ABCA10: variants seen among roughly 807,000 people sequenced by gnomAD.
ABCA10 encodes ATP-binding cassette sub-family A member 10.
In ABCA10, 169 loss-of-function variants were observed where a neutral mutation model predicts 187.5. The ratio of observed to expected loss-of-function variants is 0.90; its 90% CI spans 0.80 to 1.02. ABCA10 has a LOEUF of 1.02. Ranked by LOEUF, ABCA10 falls within the 50% of genes least tolerant of loss-of-function variation. The pLI, the probability that ABCA10 is intolerant of heterozygous loss-of-function variation, is 0.00. For synonymous variants in ABCA10, 574 were observed against 601.8 expected (o/e 0.95, Z 0.68); for missense variants, 1,727 against 1,812.4 (o/e 0.95, Z 0.86).
chr17:69,159,376 A>AT (rs557056903), intron 27 of ABCA10, among the ~76,000 whole-genome samples: 1 of 151,964 alleles, frequency 6.6e-6, no homozygotes, highest in Non-Finnish European at 1.5e-5. Flanking sequence ...AGAACAGAAA[A>AT]TTTTTTTTAA....
intron 20 of ABCA10, among the ~76,000 whole-genome samples, chr17:69,184,916 T>TACACACACAC (rs142309537): frequency 1.2e-4 from 17 of 141,614 alleles, no homozygotes; most frequent in Middle Eastern, 3.6e-3. Flanking sequence ...ACTTTTTAAA[T>TACACACACAC]ACACACACAC....
chr17:69,155,109 G>A lies in ABCA10; in HGVS notation c.3604C>T (p.His1202Tyr), dbSNP rs1052942425. Residue 1202 changes from histidine to tyrosine, a missense_variant, in exon 30 of 39, where the codon CAC becomes TAC. By Grantham distance (83) the His-to-Tyr change is moderately conservative. Coordinates refer to ENST00000690296, the MANE Select transcript of ABCA10 (RefSeq NM_001377321.1). ...EEPVITASCL[H>Y]KEYYETKKSC... is the part of the protein sequence containing the mutation. ...TTCTTTGTCTCATAATATTCCTTGTGTAAACAGCTTGCAGTTATGACTGGT... is the reference window on the plus strand; with the variant it reads ...TTCTTTGTCTCATAATATTCCTTGTATAAACAGCTTGCAGTTATGACTGGT... 2.8e-5 allele frequency: 45 copies of A among 1,611,670 alleles called. No individual in the cohort carries two copies. The highest frequency in any genetic ancestry group is 3.6e-5 in the Non-Finnish European group (42 of 1,178,798).
chr17:69,153,189 A>T, intron 34 of ABCA10, 116 bp downstream of exon 34: 1 of 1,230,902 alleles, frequency 8.1e-7, no homozygotes, highest in Admixed American at 2.6e-5. Context: ...ATAATAGAAG[A>T]TGTGCACATC....
intron 9 of ABCA10, among the ~76,000 whole-genome samples, chr17:69,213,624 G>A (rs550928382): frequency 1.8e-4 from 28 of 152,324 alleles, no homozygotes; most frequent in African/African-American, 6.5e-4. Context: ...GAGCAAGGCT[G>A]AGATCTTGCC....
Position 69,164,133 on chromosome 17 carries a change from C to T in ABCA10, c.3304G>A (p.Asp1102Asn), listed in dbSNP as rs1568052181. 2.5e-6 allele frequency: 4 copies of T among 1,584,296 alleles called. No homozygotes were observed. Among genetic ancestry groups the T allele is most frequent in the African/African-American group, 1.4e-5 (1 of 72,866 alleles). The change falls in exon 27 of 39, where the codon GAC (aspartate) becomes AAC (asparagine). Residue 1102 changes from aspartate (D) to asparagine (N), a missense_variant. Transcript: ENST00000690296. ...TCATTTATTCTATTGTCCAGACTGT[C>T]CAAGTTTCTCATAAAGTCGAGCTGA... The part of the protein sequence containing the change: ...LIQLDFMRNL[D>N]SLDNRINEVN...
At chr17:69,203,672 A>G (rs2074566183) in intron 9 of ABCA10, among the ~76,000 whole-genome samples, 1 of 152,174 alleles carries the variant, frequency 6.6e-6, no homozygotes, top group African/African-American at 2.4e-5. Context: ...TAAAAGGCAA[A>G]TCTCACCAGT....
intron 34 of ABCA10, among the ~76,000 whole-genome samples, chr17:69,153,078 A>C (rs1248250155): frequency 6.6e-6 from 1 of 152,134 alleles, no homozygotes; most frequent in Non-Finnish European, 1.5e-5. Context: ...AAGAAAGAGA[A>C]ATCCAAACAA....
In ABCA10 at chr17:69,186,913, A is replaced by T. The variant is rs1372298888; in HGVS notation, c.2330+768T>A. ...TGTGCCTTTTGTGTTCACTAATATA[A>T]CCAAAGCTCCTAGAACAATGCCTAG... On this transcript the variant is annotated intron_variant, in intron 19 of 38. Coordinates refer to ENST00000690296, the MANE Select transcript of ABCA10 (RefSeq NM_001377321.1). Among the ~76,000 whole-genome samples the T allele has an allele frequency of 9.2e-5, 14 of 152,140 alleles. No individual in the cohort carries two copies. In the East Asian group the frequency reaches 2.5e-3, roughly 27 times the overall value.
At chr17:69,180,976 T>C (rs903958692) in intron 22 of ABCA10, among the ~76,000 whole-genome samples, 1 of 151,954 alleles carries the variant, frequency 6.6e-6, no homozygotes, top group African/African-American at 2.4e-5. Context: ...TGATCAAAAA[T>C]TGCACTTCAC....
At chr17:69,154,035 T>A (rs2886232) in intron 31 of ABCA10, 26 bp from the exon 32 acceptor site, 1 of 1,603,294 alleles carries the variant, frequency 6.2e-7, no homozygotes, top group East Asian at 2.2e-5. Flanking sequence ...AATGTCAGAT[T>A]CACCTTTGGT....
chr17:69,198,289 G>T (rs186888523), intron 10 of ABCA10, among the ~76,000 whole-genome samples: 142 of 152,170 alleles, frequency 9.3e-4, no homozygotes, highest in African/African-American at 3.3e-3. Context: ...ATTGTCCCTT[G>T]TCTATCAGCA....
intron 25 of ABCA10, among the ~76,000 whole-genome samples, chr17:69,170,241 T>C (rs2074287177): frequency 6.7e-6 from 1 of 149,214 alleles, no homozygotes; most frequent in Non-Finnish European, 1.5e-5. Flanking sequence ...TGAGCCAAGA[T>C]CGCCCCACTG....
chr17:69,211,372 A>G (rs749892519), intron 9 of ABCA10, among the ~76,000 whole-genome samples: 6 of 134,726 alleles, frequency 4.5e-5, no homozygotes, highest in Non-Finnish European at 9.4e-5. Context: ...CACACACACC[A>G]CATTTTCTTT....
chr17:69,155,272 A>C (rs2144755360), intron 29 of ABCA10, 136 bp from the exon 30 acceptor site: 2 of 614,024 alleles, frequency 3.3e-6, no homozygotes, highest in Middle Eastern at 4.4e-4. Flanking sequence ...CTCTTTTTTC[A>C]AATAAAATAC....
intron 6 of ABCA10, among the ~76,000 whole-genome samples, chr17:69,217,865 A>G (rs1162297248): frequency 6.6e-6 from 1 of 152,160 alleles, no homozygotes; most frequent in Non-Finnish European, 1.5e-5. Flanking sequence ...TTAAAAATCT[A>G]TTTTCCTTGT....
At chr17:69,180,667 T>C (rs2144787919) in intron 22 of ABCA10, among the ~76,000 whole-genome samples, 1 of 152,312 alleles carries the variant, frequency 6.6e-6, no homozygotes, top group South Asian at 2.1e-4. Context: ...TTATTTTTGC[T>C]CTGAACTGGT....
At position 69,199,248 on chromosome 17, in the gene ABCA10, C is replaced by T. The variant is rs193065503; in HGVS notation, c.1176-2126G>A. ...ATCCTTCTTTATTTCTTTTAATTCT[C>T]TGTGTTCAGCTCTACTACTTATCAG... is the stretch of plus-strand genomic sequence containing the variant. On this transcript the variant is annotated intron_variant, in intron 10 of 38. Transcript: ENST00000690296. Among the ~76,000 whole-genome samples the T allele has an allele frequency of 4.1e-3, 459 of 111,878 alleles. 3 individuals are homozygous for T. Among genetic ancestry groups the T allele is most frequent in the African/African-American group, 0.017 (447 of 26,790 alleles). 73.4% of individuals were successfully genotyped at this position (111,878 alleles called of 152,430 possible). A position where few individuals can be genotyped will look rare whatever the true frequency, so the allele number is the denominator to read the frequency against.
chr17:69,214,688 C>T lies in ABCA10; in HGVS notation c.1006+16G>A. The T allele has an allele frequency of 1.4e-6, 2 of 1,448,768 alleles. No individual in the cohort carries two copies. The highest frequency in any genetic ancestry group is 1.5e-5 in the South Asian group (1 of 67,454). 89.7% of individuals were successfully genotyped at this position (1,448,768 alleles called of 1,614,324 possible). ...GAATTGCTTTAAATTTAACTTTAACCACACTATTAACTTACCAGGTAAAAC... is the reference window on the plus strand; with the variant it reads ...GAATTGCTTTAAATTTAACTTTAACTACACTATTAACTTACCAGGTAAAAC... On this transcript the variant is annotated intron_variant, in intron 9 of 38. Coordinates refer to ENST00000690296, the MANE Select transcript of ABCA10 (RefSeq NM_001377321.1).
Position 69,178,333 on chromosome 17 carries a change from G to A in ABCA10, c.2770-2820C>T, listed in dbSNP as rs142870235. On this transcript the variant is annotated intron_variant, in intron 22 of 38. Coordinates refer to ENST00000690296, the MANE Select transcript of ABCA10 (RefSeq NM_001377321.1). Reference sequence around the variant, plus strand: ...AATGTACAGCCAAATCTAGACGCAAGTGAGCCTCACAGAATTGTGGAGATA... The same window carrying A: ...AATGTACAGCCAAATCTAGACGCAAATGAGCCTCACAGAATTGTGGAGATA... Among the ~76,000 whole-genome samples the A allele has an allele frequency of 5.0e-4, 76 of 152,266 alleles. 1 individual carries two copies. In the East Asian group the frequency reaches 0.011, roughly 22 times the overall value.
Sources: allele counts gnomAD v4.1 joint callset (sites outside exome capture counted in the v4.1 genomes callset), GRCh38; gene constraint gnomAD v4.1.1; transcripts MANE v1.5; gene names NCBI Gene and HGNC (gene_info 2026-07-23, HGNC 2026-07-21).